Variants in CENPQ observed in about 807,000 individuals in gnomAD.
CENPQ encodes centromere protein Q.
Under a neutral mutation model 36.6 loss-of-function variants are expected in CENPQ, and 27 were observed. That is an observed-to-expected ratio of 0.74 (90% CI 0.54 to 1.02). The LOEUF is 1.02. CENPQ is among the 50% of genes least tolerant of loss of function. The pLI is 0.00. For missense variants in CENPQ, 306 were observed against 301.8 expected (o/e 1.01, Z -0.10); for synonymous variants, 101 against 101.7 (o/e 0.99, Z 0.04).
chr6:49,469,653 T>G (rs945058952), intron 1 of CENPQ, among the ~76,000 whole-genome samples: 8 of 152,206 alleles, frequency 5.3e-5, no homozygotes, highest in African/African-American at 1.7e-4. Context: ...GACTAACACA[T>G]GAATTTCCAC....
intron 5 of CENPQ, among the ~76,000 whole-genome samples, chr6:49,479,381 G>A (rs1334654182): frequency 6.6e-6 from 1 of 152,014 alleles, no homozygotes; most frequent in Non-Finnish European, 1.5e-5. Context: ...TGAAAAAAAT[G>A]CTCTCAACAT....
chr6:49,475,369 A>C (rs1014376246), intron 5 of CENPQ, among the ~76,000 whole-genome samples: 6 of 152,338 alleles, frequency 3.9e-5, no homozygotes, highest in Admixed American at 3.3e-4. Flanking sequence ...GACAAAATTC[A>C]ACAACCCTTC....
intron 1 of CENPQ, among the ~76,000 whole-genome samples, chr6:49,463,968 G>T (rs1440889947): frequency 6.6e-6 from 1 of 151,990 alleles, no homozygotes; most frequent in Non-Finnish European, 1.5e-5. Flanking sequence ...TAAAAGCCTC[G>T]CTGGATTATC....
intron 3 of CENPQ, 47 bp downstream of exon 3, chr6:49,471,075 A>G (rs777108410): frequency 7.9e-6 from 9 of 1,138,378 alleles, no homozygotes; most frequent in Non-Finnish European, 1.1e-5. Flanking sequence ...ATATCAAGCT[A>G]TATCTACATT....
chr6:49,479,662 C>T (rs1768383251), intron 5 of CENPQ, among the ~76,000 whole-genome samples: 1 of 152,126 alleles, frequency 6.6e-6, no homozygotes, highest in Non-Finnish European at 1.5e-5. Flanking sequence ...GTTATAAAGA[C>T]ACATGCACAC....
At chr6:49,485,840 G>A (rs994944085) in intron 6 of CENPQ, among the ~76,000 whole-genome samples, 1 of 151,704 alleles carries the variant, frequency 6.6e-6, no homozygotes, top group African/African-American at 2.4e-5. Flanking sequence ...TATGAGTATG[G>A]TAGTAATACC....
At chr6:49,477,298 T>G (rs535828468) in intron 5 of CENPQ, among the ~76,000 whole-genome samples, 2 of 151,926 alleles carry the variant, frequency 1.3e-5, no homozygotes, top group Admixed American at 6.6e-5. Flanking sequence ...GAAACCATCA[T>G]TCTCAGCAAA....
chr6:49,474,257 A>G (rs1258607553), intron 5 of CENPQ, among the ~76,000 whole-genome samples: 2 of 152,226 alleles, frequency 1.3e-5, no homozygotes, highest in African/African-American at 4.8e-5. Flanking sequence ...AATTGACCAC[A>G]TAGTTGGAAG....
chr6:49,475,527 CCT>C (rs1231675789), intron 5 of CENPQ, among the ~76,000 whole-genome samples: 1 of 152,100 alleles, frequency 6.6e-6, no homozygotes, highest in African/African-American at 2.4e-5. Flanking sequence ...ACAGGGATGC[CCT>C]CTCTCACCAA....
chr6:49,463,954 A>T (rs1019951871), intron 1 of CENPQ, among the ~76,000 whole-genome samples: 3 of 152,014 alleles, frequency 2.0e-5, no homozygotes, highest in African/African-American at 4.8e-5. Flanking sequence ...TCTCCTATAC[A>T]CATTAAAAGC....
chr6:49,471,540 T>G (rs2127424055), intron 3 of CENPQ, among the ~76,000 whole-genome samples: 1 of 152,320 alleles, frequency 6.6e-6, no homozygotes, highest in South Asian at 2.1e-4. Flanking sequence ...TTTTTTCCTT[T>G]TGTATGCTTT....
chr6:49,482,655 CTCGGCGA>C (rs58765118), intron 6 of CENPQ, among the ~76,000 whole-genome samples: 62,941 of 151,684 alleles, frequency 0.41, 13,400 homozygotes, highest in Admixed American at 0.57. Context: ...GGTCTCACTG[CTCGGCGA>C]TTGGCGATGG....
intron 8 of CENPQ, among the ~76,000 whole-genome samples, chr6:49,489,960 A>T (rs2127428561): frequency 6.6e-6 from 1 of 152,294 alleles, no homozygotes; most frequent in South Asian, 2.1e-4. Context: ...ACACAGATGT[A>T]GTTGATTTAG....
At chr6:49,486,170 A>G (rs750273977) in intron 6 of CENPQ, among the ~76,000 whole-genome samples, 2 of 152,226 alleles carry the variant, frequency 1.3e-5, no homozygotes, top group Admixed American at 1.3e-4. Flanking sequence ...AACTAGAGCA[A>G]TGCAGCTACA....
rs567542118 is a variant in CENPQ at position 49,471,024 on chromosome 6, T to C, written c.153T>C (p.Ser51=). 2 of 1,510,410 alleles carry C rather than the reference T, an allele frequency of 1.3e-6. No homozygotes were observed. Among genetic ancestry groups the C allele is most frequent in the South Asian group, 1.3e-5 (1 of 74,742 alleles). The allele number at this position is 1,510,410 out of a possible 1,614,324, so 93.6% of individuals were successfully genotyped here. ...AAAATCATCTGAAAGATCTGTCTTCTGAAGGTATTTCTTTTCTATTACCTT... is the reference window on the plus strand; with the variant it reads ...AAAATCATCTGAAAGATCTGTCTTCCGAAGGTATTTCTTTTCTATTACCTT... The part of the protein sequence containing the change: ...KNKNHLKDLS[S]EGQTKHTNLK... Residue 51 remains serine (S), a synonymous_variant, in exon 3 of 9, where the codon TCT becomes TCC. Transcript: ENST00000335783.
intron 1 of CENPQ, among the ~76,000 whole-genome samples, chr6:49,465,240 G>A (rs1767973666): frequency 6.6e-6 from 1 of 152,202 alleles, no homozygotes; most frequent in Admixed American, 6.5e-5. Flanking sequence ...AGGTCTCAAA[G>A]ATGGGCTTAA....
chr6:49,479,964 T>TG (rs1309110515), intron 5 of CENPQ, among the ~76,000 whole-genome samples: 2 of 152,160 alleles, frequency 1.3e-5, no homozygotes, highest in Non-Finnish European at 2.9e-5. Context: ...AGGGCCTACT[T>TG]GCGGGAGGAG....
At chr6:49,483,775 C>T (rs1470320115) in intron 6 of CENPQ, among the ~76,000 whole-genome samples, 2 of 152,352 alleles carry the variant, frequency 1.3e-5, no homozygotes, top group African/African-American at 4.8e-5. Flanking sequence ...CGGGCGCAGC[C>T]CCGGTTCCCG....
chr6:49,467,535 T>C (rs1316565684), intron 1 of CENPQ, among the ~76,000 whole-genome samples: 1 of 152,206 alleles, frequency 6.6e-6, no homozygotes, highest in Non-Finnish European at 1.5e-5. Flanking sequence ...GAAAATGATA[T>C]GGCAAAGACA....
Sources: allele counts gnomAD v4.1 joint callset (sites outside exome capture counted in the v4.1 genomes callset), GRCh38; gene constraint gnomAD v4.1.1; transcripts MANE v1.5; gene names NCBI Gene and HGNC (gene_info 2026-07-23, HGNC 2026-07-21).